SKA2: variants seen among roughly 807,000 people sequenced by gnomAD.
SKA2 encodes the protein spindle and kinetochore-associated protein 2.
Under a neutral mutation model 16.9 loss-of-function variants are expected in SKA2, and 13 were observed. That is an observed-to-expected ratio of 0.77 (90% confidence interval 0.50 to 1.22). The LOEUF (loss-of-function observed/expected upper bound fraction) is 1.22. Ranked by LOEUF, SKA2 falls within the 50% of genes most tolerant of loss-of-function variation. The pLI, the probability that SKA2 is intolerant of heterozygous loss-of-function variation, is 0.00. For synonymous variants in SKA2, 47 were observed against 48.5 expected, an observed-to-expected ratio of 0.97 and a Z score of 0.13; for missense variants, 107 against 139.7, an observed-to-expected ratio of 0.77 and a Z score of 1.18.
chr17:59,133,678 A>T (rs2046425556), intron 1 of SKA2, among the ~76,000 whole-genome samples: 1 of 152,190 alleles, frequency 6.6e-6, no homozygotes, highest in Non-Finnish European at 1.5e-5. Context: ...CAGAAATTCA[A>T]ATGCTTCTAA....
chr17:59,134,525 C>T (rs539554494), intron 1 of SKA2, among the ~76,000 whole-genome samples: 2 of 151,534 alleles, frequency 1.3e-5, no homozygotes, highest in Non-Finnish European at 2.9e-5. Flanking sequence ...TGAAGTTTAG[C>T]ATAATCTCAT....
At chr17:59,119,598 T>A in intron 2 of SKA2, 103 bp from the exon 3 acceptor site, 1 of 1,025,780 alleles carries the variant, frequency 9.7e-7, no homozygotes, top group Non-Finnish European at 1.4e-6. Context: ...TCCATTTAAT[T>A]GAACACTGTT....
intron 1 of SKA2, among the ~76,000 whole-genome samples, chr17:59,153,757 G>T (rs1177952421): frequency 6.6e-6 from 1 of 152,010 alleles, no homozygotes; most frequent in Non-Finnish European, 1.5e-5. Context: ...GAAGAAAGAA[G>T]TCTTTTACTT....
At chr17:59,123,241 CTTTTTT>C (rs138522640) in intron 2 of SKA2, among the ~76,000 whole-genome samples, 1 of 99,124 alleles carries the variant, frequency 1.0e-5, no homozygotes, top group Non-Finnish European at 2.0e-5. Context: ...GTACAAAATT[CTTTTTT>C]TTTTTTTTTT....
At chr17:59,125,428 C>T (rs992691507) in intron 2 of SKA2, among the ~76,000 whole-genome samples, 4 of 151,390 alleles carry the variant, frequency 2.6e-5, no homozygotes, top group African/African-American at 7.3e-5. Flanking sequence ...AATGGCTGAG[C>T]GAGGTGGCTC....
At chr17:59,146,200 T>G (rs2046531013) in intron 1 of SKA2, among the ~76,000 whole-genome samples, 1 of 151,996 alleles carries the variant, frequency 6.6e-6, no homozygotes, top group Non-Finnish European at 1.5e-5. Context: ...ATTTCCTTAT[T>G]GATAAAATGA....
At chr17:59,147,576 T>C (rs1430261325) in intron 1 of SKA2, among the ~76,000 whole-genome samples, 1 of 152,060 alleles carries the variant, frequency 6.6e-6, no homozygotes, top group Non-Finnish European at 1.5e-5. Flanking sequence ...CTTACTTTCT[T>C]CTGAAATTCA....
At chr17:59,136,642 G>C (rs542832147) in intron 1 of SKA2, among the ~76,000 whole-genome samples, 1 of 151,398 alleles carries the variant, frequency 6.6e-6, no homozygotes, top group Non-Finnish European at 1.5e-5. Flanking sequence ...TCCACTTCCC[G>C]GGTTCAAGCG....
At chr17:59,136,697 C>T (rs1236344600) in intron 1 of SKA2, among the ~76,000 whole-genome samples, 1 of 151,876 alleles carries the variant, frequency 6.6e-6, no homozygotes, top group East Asian at 1.9e-4. Context: ...TATAGGCGTG[C>T]ACCACCATAC....
intron 3 of SKA2, among the ~76,000 whole-genome samples, chr17:59,113,669 C>CA (rs2046277955): frequency 6.6e-6 from 1 of 151,366 alleles, no homozygotes; most frequent in Non-Finnish European, 1.5e-5. Flanking sequence ...ACTAAAAATA[C>CA]AAAAAAATTA....
chr17:59,136,460 G>C (rs895871427), intron 1 of SKA2, among the ~76,000 whole-genome samples: 1 of 152,050 alleles, frequency 6.6e-6, no homozygotes, highest in African/African-American at 2.4e-5. Context: ...CACTGTGCCT[G>C]GCCAGTACTG....
intron 3 of SKA2, among the ~76,000 whole-genome samples, chr17:59,117,545 T>C (rs927091251): frequency 4.6e-5 from 7 of 152,020 alleles, no homozygotes; most frequent in African/African-American, 1.4e-4. Context: ...TGCACTCCCA[T>C]GCCCAGTAAA....
At chr17:59,147,762 C>A (rs1358295494) in intron 1 of SKA2, among the ~76,000 whole-genome samples, 1 of 150,730 alleles carries the variant, frequency 6.6e-6, no homozygotes, top group African/African-American at 2.4e-5. Context: ...CCGTGCCTGG[C>A]CTTTGCTCTA....
intron 2 of SKA2, among the ~76,000 whole-genome samples, chr17:59,130,584 T>C (rs2046405740): frequency 6.6e-6 from 1 of 151,510 alleles, no homozygotes; most frequent in Non-Finnish European, 1.5e-5. Flanking sequence ...GAGCTGAGAT[T>C]GCACCACTGC....
intron 2 of SKA2, among the ~76,000 whole-genome samples, chr17:59,130,430 A>G (rs12051896): frequency 0.68 from 96,539 of 142,952 alleles, 33,840 homozygotes; most frequent in African/African-American, 0.85. Context: ...TGGCCAACAT[A>G]GTGAAACTCC....
chr17:59,144,223 A>G (rs114218876), intron 1 of SKA2, among the ~76,000 whole-genome samples: 2,845 of 151,750 alleles, frequency 0.019, 87 homozygotes, highest in African/African-American at 0.065. Flanking sequence ...ACCTACTCAT[A>G]GTCATTAGGA....
intron 1 of SKA2, among the ~76,000 whole-genome samples, chr17:59,143,512 G>C (rs1451374896): frequency 6.6e-6 from 1 of 152,128 alleles, no homozygotes; most frequent in African/African-American, 2.4e-5. Flanking sequence ...CTCTCGAGTA[G>C]CTGGGATTAC....
chr17:59,154,961 G>A (rs775455069), intron 1 of SKA2, 170 bp downstream of exon 1: 2 of 1,613,936 alleles, frequency 1.2e-6, no homozygotes, highest in South Asian at 1.1e-5. Flanking sequence ...CTTACCCGAG[G>A]CGGTTTAGAC....
intron 2 of SKA2, among the ~76,000 whole-genome samples, chr17:59,127,272 G>A (rs1188923445): frequency 6.6e-6 from 1 of 152,178 alleles, no homozygotes; most frequent in African/African-American, 2.4e-5. Context: ...ATAAGGACAC[G>A]TGCCTGTAAT....
Sources: gnomAD v4.1 joint callset for allele counts (sites outside exome capture counted in the v4.1 genomes callset) on GRCh38, gnomAD v4.1.1 for gene constraint, MANE v1.5 for transcripts, NCBI Gene and HGNC (gene_info 2026-07-23, HGNC 2026-07-21) for gene names.